SLC26A2: variants seen among roughly 807,000 people sequenced by gnomAD.
SLC26A2 encodes the protein solute carrier family 26 member 2, also known as sulfate transporter.
A neutral mutation model predicts 41.1 loss-of-function variants in SLC26A2; 36 were observed. The ratio of observed to expected loss-of-function variants is 0.88; its 90% CI spans 0.67 to 1.16. SLC26A2 has a LOEUF of 1.16. Ranked by LOEUF, SLC26A2 falls within the 50% of genes most tolerant of loss-of-function variation. SLC26A2 has a pLI of 0.00. For missense variants in SLC26A2, 796 were observed against 869.6 expected, an observed-to-expected ratio of 0.92 and a Z score of 1.07; for synonymous variants, 291 against 311.6, an observed-to-expected ratio of 0.93 and a Z score of 0.70.
At chr5:149,975,183 G>A (rs1336132957) in intron 1 of SLC26A2, among the ~76,000 whole-genome samples, 1 of 152,046 alleles carries the variant, frequency 6.6e-6, no homozygotes, top group Non-Finnish European at 1.5e-5. Flanking sequence ...CTGCGTTTTA[G>A]TTTAGCTAAT....
intron 1 of SLC26A2, among the ~76,000 whole-genome samples, chr5:149,970,301 A>G (rs1353545642): frequency 2.0e-5 from 3 of 152,170 alleles, no homozygotes; most frequent in African/African-American, 7.2e-5. Context: ...TGAGCCCAGG[A>G]GTTCGAGACC....
intron 1 of SLC26A2, among the ~76,000 whole-genome samples, chr5:149,974,828 C>T (rs1463400834): frequency 1.3e-5 from 2 of 149,902 alleles, no homozygotes; most frequent in East Asian, 2.0e-4. Context: ...TGGGTTCCAG[C>T]GATTCTCCTG....
Position 149,973,295 on chromosome 5 carries a change from A to T in SLC26A2, c.-25-4333A>T, listed in dbSNP as rs561127325. Among the ~76,000 whole-genome samples, 40 of 152,296 alleles carry T rather than the reference A, an allele frequency of 2.6e-4. No individual in the cohort carries two copies. In the East Asian group the frequency reaches 7.5e-3, roughly 29 times the overall value. Reference sequence around the variant, plus strand: ...ATTCCCATTTTTGGTTTAAACAGTTATCTTTTAGAGCAATTAAACATTTTT... The same window carrying T: ...ATTCCCATTTTTGGTTTAAACAGTTTTCTTTTAGAGCAATTAAACATTTTT... On this transcript the variant is annotated intron_variant, in intron 1 of 2. Transcript: ENST00000286298.
At chr5:149,978,482 G>A (rs748769916) in intron 2 of SLC26A2, 131 bp downstream of exon 2, 1 of 871,194 alleles carries the variant, frequency 1.1e-6, no homozygotes, top group Admixed American at 2.0e-5. Flanking sequence ...ATATATGAAG[G>A]GTAGAGGCAA....
rs2113699531 is a variant in SLC26A2, at chr5:149,981,575, C to T, written c.1982C>T (p.Thr661Ile). The part of the protein sequence containing the change: ...IDCSAIQFLD[T>I]AGIHTLKEVR... ...TGCAGTGCAATTCAATTTTTAGATA[C>T]AGCAGGGATCCACACACTGAAAGAA... Residue 661 changes from threonine (T) to isoleucine (I), a missense_variant, in exon 3 of 3, where the codon ACA becomes ATA. By Grantham distance (89) the Thr-to-Ile change is moderately conservative. Coordinates refer to ENST00000286298, the MANE Select transcript of SLC26A2 (RefSeq NM_000112.4). 8 of 1,614,038 alleles carry T rather than the reference C, an allele frequency of 5.0e-6. No homozygotes were observed. Among genetic ancestry groups the T allele is most frequent in the East Asian group, 2.2e-5 (1 of 44,866 alleles).
At chr5:149,979,712 G>A (rs982278435) in intron 2 of SLC26A2, among the ~76,000 whole-genome samples, 1 of 141,958 alleles carries the variant, frequency 7.0e-6, no homozygotes, top group African/African-American at 2.6e-5. Flanking sequence ...TGGTTTCTTA[G>A]TATGAGGTTA....
At chr5:149,975,334 T>A (rs1333358672) in intron 1 of SLC26A2, among the ~76,000 whole-genome samples, 1 of 152,228 alleles carries the variant, frequency 6.6e-6, no homozygotes, top group Non-Finnish European at 1.5e-5. Context: ...TCTTACAGTT[T>A]CCATTTCTTT....
chr5:149,969,879 T>A (rs1263723399), intron 1 of SLC26A2, among the ~76,000 whole-genome samples: 1 of 152,190 alleles, frequency 6.6e-6, no homozygotes, highest in Non-Finnish European at 1.5e-5. Flanking sequence ...TATTCTCCAC[T>A]CTCAGAATAC....
At position 149,977,667 on chromosome 5, in the gene SLC26A2, T is replaced by C. The variant is rs539335443; in HGVS notation, c.15T>C (p.Ser5=). 4 of 1,613,298 alleles carry C rather than the reference T, an allele frequency of 2.5e-6. No individual in the cohort carries two copies. The African/African-American group carries it at 5.3e-5, about 22-fold the overall frequency. ...TATCTCCAGAAATGTCTTCAGAAAGTAAAGAGCAACATAACGTTTCACCCA... is the reference window on the plus strand; with the variant it reads ...TATCTCCAGAAATGTCTTCAGAAAGCAAAGAGCAACATAACGTTTCACCCA... MSSE[S]KEQHNVSPRD... The change falls in exon 2 of 3, where the codon AGT becomes AGC. Residue 5 remains serine, a synonymous_variant. Coordinates refer to ENST00000286298, the MANE Select transcript of SLC26A2 (RefSeq NM_000112.4).
In SLC26A2 at chr5:149,980,592, T is replaced by A; in HGVS notation, c.999T>A (p.Ile333=). 1 of 1,614,154 alleles carries A rather than the reference T, an allele frequency of 6.2e-7. No individual in the cohort carries two copies. The highest frequency in any genetic ancestry group is 8.5e-7 in the Non-Finnish European group (1 of 1,180,020). Reference sequence around the variant, plus strand: ...TCAAATCCAAGCTTAAGGCACCGATTCCTATTGAACTTGTTGTTGTTGTAG... The same window carrying A: ...TCAAATCCAAGCTTAAGGCACCGATACCTATTGAACTTGTTGTTGTTGTAG... The part of the protein sequence containing the change: ...EHFKSKLKAP[I]PIELVVVVAA... The change falls in exon 3 of 3, where the codon ATT becomes ATA. Residue 333 remains isoleucine, a synonymous_variant. Coordinates refer to ENST00000286298, the MANE Select transcript of SLC26A2 (RefSeq NM_000112.4).
intron 1 of SLC26A2, among the ~76,000 whole-genome samples, chr5:149,962,852 A>C (rs1386261732): frequency 1.3e-5 from 2 of 152,084 alleles, no homozygotes; most frequent in Non-Finnish European, 2.9e-5. Flanking sequence ...ATTCTAATTC[A>C]CTCAACAGAT....
rs1230916903 is a variant in SLC26A2, at chr5:149,983,369, A to AGATTTCTGTCTTATAGGT, written c.*1579_*1596dup. The AGATTTCTGTCTTATAGGT allele has an allele frequency of 6.6e-6, 1 of 152,162 alleles. No homozygotes were observed. The highest frequency in any genetic ancestry group is 1.5e-5 in the Non-Finnish European group (1 of 68,026). The allele number at this position is 152,162 out of a possible 1,614,324, so 9.4% of individuals were successfully genotyped here. On this transcript the variant is annotated 3_prime_UTR_variant, in exon 3 of 3. Transcript: ENST00000286298. ...AAAGCAGTTGCTCAGTAGAAAGTCT[A>AGATTTCTGTCTTATAGGT]GATTTCTGTCTTATAGGTGATTTCT...
At chr5:149,974,416 A>G (rs956036680) in intron 1 of SLC26A2, among the ~76,000 whole-genome samples, 1 of 150,860 alleles carries the variant, frequency 6.6e-6, no homozygotes, top group Admixed American at 6.6e-5. Flanking sequence ...TAGATTATAT[A>G]TTATATATAT....
chr5:149,986,469 C>A lies in SLC26A2; in HGVS notation c.*4656C>A, dbSNP rs887620675. 6.6e-6 allele frequency: 1 copy of A among 151,916 alleles called. No individual in the cohort carries two copies. Among genetic ancestry groups the A allele is most frequent in the African/African-American group, 2.4e-5 (1 of 41,354 alleles). 9.4% of individuals were successfully genotyped at this position (151,916 alleles called of 1,614,324 possible). On this transcript the variant is annotated 3_prime_UTR_variant, in exon 3 of 3. Coordinates refer to ENST00000286298, the MANE Select transcript of SLC26A2 (RefSeq NM_000112.4). The stretch of plus-strand genomic sequence containing the variant: ...GGTTTAAAAAAAATTTAGTAACTTA[C>A]AGGGATGGAGAATTTAGATGTCAGA...
rs1250888818 is a variant in SLC26A2, at chr5:149,977,780, A to T, written c.128A>T (p.Glu43Val). ...RESSTDFKQF[E>V]TNDQCRPYHR... is the part of the protein sequence containing the mutation. ...TCAAGTACTGACTTCAAGCAATTTGAGACCAATGATCAATGCAGACCTTAT... is the reference window on the plus strand; with the variant it reads ...TCAAGTACTGACTTCAAGCAATTTGTGACCAATGATCAATGCAGACCTTAT... The change falls in exon 2 of 3, where the codon GAG (glutamate) becomes GTG (valine). Residue 43 changes from glutamate to valine, a missense_variant. Glu to Val is a moderately radical substitution (Grantham distance 121, BLOSUM62 -2). Transcript: ENST00000286298. The T allele has an allele frequency of 6.2e-7, 1 of 1,613,970 alleles. No homozygotes were observed. Among genetic ancestry groups the T allele is most frequent in the South Asian group, 1.1e-5 (1 of 91,076 alleles).
intron 1 of SLC26A2, among the ~76,000 whole-genome samples, chr5:149,974,883 G>A (rs544523931): frequency 6.6e-6 from 1 of 152,048 alleles, no homozygotes; most frequent in African/African-American, 2.4e-5. Flanking sequence ...GTGCCACCAT[G>A]CCTGACTAAT....
chr5:149,966,719 G>T (rs144775215), intron 1 of SLC26A2, among the ~76,000 whole-genome samples: 2 of 152,054 alleles, frequency 1.3e-5, no homozygotes, highest in Non-Finnish European at 2.9e-5. Flanking sequence ...AAAAGTTTCA[G>T]ATTTTGGTGC....
intron 1 of SLC26A2, among the ~76,000 whole-genome samples, chr5:149,968,688 G>A (rs1364797687): frequency 2.0e-5 from 3 of 151,312 alleles, no homozygotes; most frequent in Non-Finnish European, 1.5e-5. Flanking sequence ...CCAAAGTGCT[G>A]GGATTACAGG....
rs150467146 is a variant in SLC26A2, at chr5:149,971,548, C to T, written c.-25-6080C>T. 6.8e-3 allele frequency among the ~76,000 whole-genome samples: 1,033 copies of T among 152,062 alleles called. 16 individuals are homozygous for T. Among genetic ancestry groups the T allele is most frequent in the African/African-American group, 0.024 (984 of 41,460 alleles). ...CTGAGTAGCTGGGATTACAGGCGTG[C>T]GCCACCACGCCTGGCTGACTTTTCT... On this transcript the variant is annotated intron_variant, in intron 1 of 2. Transcript: ENST00000286298.
Sources: allele counts gnomAD v4.1 joint callset (sites outside exome capture counted in the v4.1 genomes callset), GRCh38; gene constraint gnomAD v4.1.1; transcripts MANE v1.5; gene names NCBI Gene and HGNC (gene_info 2026-07-23, HGNC 2026-07-21).